GCC2: variants seen among roughly 807,000 people sequenced by gnomAD.
GCC2 encodes the protein GRIP and coiled-coil domain-containing protein 2.
Under a neutral mutation model 210.6 loss-of-function variants are expected in GCC2, and 120 were observed. The observed-to-expected ratio is 0.57, with a 90% CI of 0.49 to 0.66. The LOEUF (loss-of-function observed/expected upper bound fraction) is 0.66. GCC2 is among the 30% of genes least tolerant of loss of function. GCC2 has a pLI of 0.00. For missense variants in GCC2, 1,868 were observed against 1,871.9 expected (o/e 1.00, Z 0.04); for synonymous variants, 703 against 652.7 (o/e 1.08, Z -1.17).
intron 21 of GCC2, among the ~76,000 whole-genome samples, chr2:108,497,717 G>GTC (rs1682714002): frequency 6.6e-6 from 1 of 152,114 alleles, no homozygotes; most frequent in Non-Finnish European, 1.5e-5. Context: ...TTGCAGAACA[G>GTC]TTGAGGATTA....
Position 108,449,569 on chromosome 2 carries a change from A to G in GCC2, c.7-64A>G, listed in dbSNP as rs1191248475. On this transcript the variant is annotated intron_variant, in intron 1 of 22. Transcript: ENST00000309863. The stretch of plus-strand genomic sequence containing the variant: ...GAAGGTTTTTCCCTGTAAGGGTTCT[A>G]CGCGTTCCGTGTGGAATTAGGAAAA... 1.9e-5 allele frequency: 28 copies of G among 1,474,870 alleles called. No homozygotes were observed. In the South Asian group the frequency reaches 2.4e-4, roughly 13 times the overall value. The allele number at this position is 1,474,870 out of a possible 1,614,324, so 91.4% of individuals were successfully genotyped here.
At chr2:108,460,722 T>C (rs1680524923) in intron 4 of GCC2, among the ~76,000 whole-genome samples, 1 of 152,180 alleles carries the variant, frequency 6.6e-6, no homozygotes, top group Admixed American at 6.5e-5. Flanking sequence ...CTTTGTGATA[T>C]GGTTTGGATT....
rs928824721 is a variant in GCC2, at chr2:108,462,217, G to A, written c.217-6763G>A. Among the ~76,000 whole-genome samples the A allele has an allele frequency of 1.6e-4, 24 of 146,284 alleles. No homozygotes were observed. In the South Asian group the frequency reaches 2.0e-3, roughly 12 times the overall value. ...ATTCAAATAAATATTTGGAGGCCGG[G>A]CGCAGTGGCTCACGCCTGTAATCCC... On this transcript the variant is annotated intron_variant, in intron 4 of 22. Transcript: ENST00000309863.
chr2:108,466,722 T>A (rs1680911396), intron 4 of GCC2, among the ~76,000 whole-genome samples: 1 of 152,094 alleles, frequency 6.6e-6, no homozygotes, highest in Admixed American at 6.5e-5. Context: ...TCCACCCACC[T>A]CAACCTCCCA....
chr2:108,475,427 T>C, intron 7 of GCC2, 108 bp from the exon 8 acceptor site: 2 of 529,998 alleles, frequency 3.8e-6, no homozygotes, highest in Middle Eastern at 5.1e-4. Flanking sequence ...TATTTTAATA[T>C]CAAATTACCA....
chr2:108,495,688 C>G, intron 20 of GCC2: 1 of 384,036 alleles, frequency 2.6e-6, no homozygotes, highest in Non-Finnish European at 4.9e-6. Context: ...TGGATGGATG[C>G]TTATTAAGTA....
chr2:108,451,300 C>G (rs1350955702), intron 3 of GCC2, among the ~76,000 whole-genome samples, 188 bp downstream of exon 3: 1 of 152,204 alleles, frequency 6.6e-6, no homozygotes, highest in Non-Finnish European at 1.5e-5. Flanking sequence ...ATTCCCACAT[C>G]TCTAAACCAC....
intron 4 of GCC2, among the ~76,000 whole-genome samples, chr2:108,462,261 G>C (rs1680630481): frequency 6.7e-6 from 1 of 149,042 alleles, no homozygotes; most frequent in African/African-American, 2.5e-5. Context: ...GGGAGGCCGA[G>C]GCGGGCAGAT....
intron 12 of GCC2, among the ~76,000 whole-genome samples, chr2:108,483,898 G>A (rs1470563451): frequency 6.6e-6 from 1 of 152,182 alleles, no homozygotes; most frequent in African/African-American, 2.4e-5. Context: ...GCTGCTAGTT[G>A]TAGTTAGTTA....
intron 22 of GCC2, among the ~76,000 whole-genome samples, chr2:108,504,223 A>T (rs1683074323): frequency 1.3e-5 from 2 of 152,152 alleles, no homozygotes; most frequent in Non-Finnish European, 2.9e-5. Context: ...TATATACATG[A>T]GTGTTGGTAA....
At position 108,470,784 on chromosome 2, in the gene GCC2, G is replaced by C. The variant is rs758275416; in HGVS notation, c.1455G>C (p.Glu485Asp). 16 of 1,613,698 alleles carry C rather than the reference G, an allele frequency of 9.9e-6. No homozygotes were observed. The South Asian group carries it at 1.3e-4, about 13-fold the overall frequency. Residue 485 changes from glutamate to aspartate, a missense_variant, in exon 6 of 23, where the codon GAG becomes GAC. Glu to Asp is a conservative substitution (Grantham distance 45, BLOSUM62 2). Around this residue, in one of 3 missense-constraint regions of GCC2, gnomAD observed 1,847 missense variants for 1,765.2 expected, o/e 1.05. Transcript: ENST00000309863. ...TTTTAAATTATGAGAGTTTACGAGAGATTATGGAAATTTTACAAACAGAAC... is the reference window on the plus strand; with the variant it reads ...TTTTAAATTATGAGAGTTTACGAGACATTATGGAAATTTTACAAACAGAAC... ...EAILNYESLR[E>D]IMEILQTELG...
intron 4 of GCC2, among the ~76,000 whole-genome samples, chr2:108,459,752 T>TTTTTTA (rs1680460337): frequency 1.0e-5 from 1 of 99,800 alleles, no homozygotes; most frequent in Non-Finnish European, 2.1e-5. Flanking sequence ...TGTCTTTTTT[T>TTTTTTA]TTTTTTTTTT....
At chr2:108,479,655 G>A (rs1457436709) in intron 9 of GCC2, among the ~76,000 whole-genome samples, 4 of 149,564 alleles carry the variant, frequency 2.7e-5, no homozygotes, top group East Asian at 2.1e-4. Flanking sequence ...AAAAGATTTC[G>A]CAAGCACGAT....
At chr2:108,466,666 G>T (rs1024378355) in intron 4 of GCC2, among the ~76,000 whole-genome samples, 5 of 150,402 alleles carry the variant, frequency 3.3e-5, no homozygotes, top group Non-Finnish European at 7.4e-5. Flanking sequence ...TAGAGATGGG[G>T]TTTCACTATG....
intron 2 of GCC2, among the ~76,000 whole-genome samples, chr2:108,450,710 C>G (rs897770933): frequency 6.6e-6 from 1 of 152,124 alleles, no homozygotes; most frequent in Admixed American, 6.6e-5. Flanking sequence ...GGTGAAACCC[C>G]GTCTCTACTA....
chr2:108,472,260 G>C, intron 6 of GCC2, 144 bp downstream of exon 6: 1 of 487,662 alleles, frequency 2.1e-6, no homozygotes, highest in Non-Finnish European at 3.5e-6. Context: ...AAGTGCATTA[G>C]ACATTTCCAT....
rs765328971 is a variant in GCC2, at chr2:108,492,662, G to A, written c.4319G>A (p.Arg1440Gln). The A allele has an allele frequency of 2.4e-5, 38 of 1,613,788 alleles. No homozygotes were observed. Among genetic ancestry groups the A allele is most frequent in the African/African-American group, 4.0e-5 (3 of 74,918 alleles). ...CTAACATCCCAGAACGAGGTCCTTC[G>A]AAATAGCTTCCGAGATCAAGTGCGA... ...SQLTSQNEVL[R>Q]NSFRDQVRHL... Residue 1440 changes from arginine (R) to glutamine (Q), a missense_variant, in exon 19 of 23, where the codon CGA becomes CAA. By Grantham distance (43) the Arg-to-Gln change is conservative. Coordinates refer to ENST00000309863, the MANE Select transcript of GCC2 (RefSeq NM_181453.4).
At chr2:108,465,507 C>T (rs1327278031) in intron 4 of GCC2, among the ~76,000 whole-genome samples, 5 of 152,104 alleles carry the variant, frequency 3.3e-5, no homozygotes, top group African/African-American at 7.2e-5. Context: ...TCCCCTTCCA[C>T]CCTCCCTCTT....
At position 108,505,628 on chromosome 2, in the gene GCC2, C is replaced by T. The variant is rs991566830; in HGVS notation, c.4985-1932C>T. ...CAAGGAACACAGGCCATCAGTTTAGCGGCCTTGAGGAACTAAATTCTTCCA... is the reference window on the plus strand; with the variant it reads ...CAAGGAACACAGGCCATCAGTTTAGTGGCCTTGAGGAACTAAATTCTTCCA... On this transcript the variant is annotated intron_variant, in intron 22 of 22. Transcript: ENST00000309863. 3.9e-5 allele frequency among the ~76,000 whole-genome samples: 6 copies of T among 152,206 alleles called. No homozygotes were observed. In the South Asian group the frequency reaches 8.3e-4, roughly 21 times the overall value.
Sources: allele counts gnomAD v4.1 joint callset (sites outside exome capture counted in the v4.1 genomes callset), GRCh38; gene constraint gnomAD v4.1.1; regional missense constraint gnomAD v4.1.1; transcripts MANE v1.5; gene names NCBI Gene and HGNC (gene_info 2026-07-23, HGNC 2026-07-21).